Variants in RP1 observed in about 807,000 individuals in gnomAD.
RP1 encodes RP1 axonemal microtubule associated.
Under a neutral mutation model 14.8 loss-of-function variants are expected in RP1, and 16 were observed. The ratio of observed to expected loss-of-function variants is 1.08; its 90% confidence interval spans 0.73 to 1.65. RP1 has a LOEUF of 1.65. Ranked by LOEUF, RP1 falls within the 40% of genes most tolerant of loss-of-function variation. The probability of loss-of-function intolerance (pLI) is 0.00; values close to 1 mark genes in which losing one functional copy is unlikely to be tolerated. For missense variants in RP1, 2,631 were observed against 2,535.0 expected, an observed-to-expected ratio of 1.04 and a Z score of -0.81; for synonymous variants, 876 against 883.6, an observed-to-expected ratio of 0.99 and a Z score of 0.15.
At chr8:54,592,793 C>T (rs1040241628) in intron 1 of RP1, among the ~76,000 whole-genome samples, 7 of 152,042 alleles carry the variant, frequency 4.6e-5, no homozygotes, top group African/African-American at 1.7e-4. Context: ...TGCTTGTTGC[C>T]CCTTAGTGGC....
chr8:54,819,693 C>A (rs1811211168), intron 24 of RP1, among the ~76,000 whole-genome samples: 1 of 152,120 alleles, frequency 6.6e-6, no homozygotes, highest in Non-Finnish European at 1.5e-5. Flanking sequence ...TAGGGGGCAC[C>A]ATAAGCCCAG....
intron 27 of RP1, among the ~76,000 whole-genome samples, chr8:54,860,349 T>G (rs1176186285): frequency 6.6e-6 from 1 of 152,146 alleles, no homozygotes; most frequent in Non-Finnish European, 1.5e-5. Flanking sequence ...ATTTTTTTCT[T>G]TCCATTTTTA....
intron 24 of RP1, among the ~76,000 whole-genome samples, chr8:54,803,580 A>T (rs78912715): frequency 6.6e-6 from 1 of 152,104 alleles, no homozygotes; most frequent in African/African-American, 2.4e-5. Context: ...TCCTTAAAAG[A>T]GTTGCTTATT....
intron 1 of RP1, among the ~76,000 whole-genome samples, chr8:54,573,548 C>G (rs1804576010): frequency 6.6e-6 from 1 of 152,176 alleles, no homozygotes; most frequent in East Asian, 1.9e-4. Context: ...GCTTTTCCCT[C>G]AAATATAAGA....
At chr8:54,796,984 A>C (rs1047219043) in intron 24 of RP1, among the ~76,000 whole-genome samples, 3 of 152,172 alleles carry the variant, frequency 2.0e-5, no homozygotes, top group Non-Finnish European at 4.4e-5. Context: ...TCATGGGGTG[A>C]AGAGAAATGG....
rs747461642 is a variant in RP1 at position 54,621,323 on chromosome 8, A to G, written c.357A>G (p.Lys119=). The change falls in exon 2 of 4, where the codon AAA becomes AAG. Residue 119 remains lysine (K), a synonymous_variant. Coordinates refer to ENST00000220676, the MANE Select transcript of RP1 (RefSeq NM_006269.2). ...GRKVQPVDLD[K]ARRRPRPWLS... is the part of the protein sequence containing the mutation. Reference sequence around the variant, plus strand: ...AGGTGCAGCCTGTAGACCTGGACAAAGCCCGTCGGCGCCCGCGGCCCTGGC... The same window carrying G: ...AGGTGCAGCCTGTAGACCTGGACAAGGCCCGTCGGCGCCCGCGGCCCTGGC... 6.2e-7 allele frequency: 1 copy of G among 1,612,476 alleles called. No individual in the cohort carries two copies. Among genetic ancestry groups the G allele is most frequent in the South Asian group, 1.1e-5 (1 of 91,056 alleles).
chr8:54,576,888 A>G (rs1804675920), intron 1 of RP1, among the ~76,000 whole-genome samples: 2 of 152,204 alleles, frequency 1.3e-5, no homozygotes, highest in African/African-American at 2.4e-5. Context: ...GTTAAATTTG[A>G]TAGACATTTC....
At chr8:54,800,795 T>C (rs1164019237) in intron 24 of RP1, among the ~76,000 whole-genome samples, 1 of 152,232 alleles carries the variant, frequency 6.6e-6, no homozygotes. Context: ...CATTTAATCA[T>C]AGTTATATTA....
chr8:54,676,086 C>G (rs928057658), intron 8 of RP1, among the ~76,000 whole-genome samples: 1 of 152,084 alleles, frequency 6.6e-6, no homozygotes, highest in Non-Finnish European at 1.5e-5. Context: ...TAATCACATC[C>G]TAAACGCTCC....
chr8:54,625,113 C>CA lies in RP1; in HGVS notation c.1234dup (p.Met412AsnfsTer7), dbSNP rs760283610. The CA allele has an allele frequency of 1.2e-5, 20 of 1,614,136 alleles. No individual in the cohort carries two copies. The highest frequency in any genetic ancestry group is 1.7e-5 in the Non-Finnish European group (20 of 1,180,022). On this transcript the variant is annotated frameshift_variant, in exon 4 of 4. Coordinates refer to ENST00000220676, the MANE Select transcript of RP1 (RefSeq NM_006269.2). LOFTEE classifies it low-confidence loss of function (END_TRUNC). ...CAGTTTGGCAGAGGAGATAAACATT[C>CA]AAATGACAGATCAAGTGGCTGAAAC...
At chr8:54,837,743 C>G (rs1031944765) in intron 25 of RP1, 12 of 845,680 alleles carry the variant, frequency 1.4e-5, no homozygotes, top group Non-Finnish European at 1.9e-5. Flanking sequence ...TAGGGGCTGG[C>G]ACCTTTTTCT....
chr8:54,833,338 C>A (rs1811577976), intron 24 of RP1, among the ~76,000 whole-genome samples: 1 of 151,872 alleles, frequency 6.6e-6, no homozygotes, highest in African/African-American at 2.4e-5. Flanking sequence ...AGGGTAAGGT[C>A]TTTTCTCCCT....
chr8:54,833,400 G>A (rs1221126995), intron 24 of RP1, among the ~76,000 whole-genome samples: 2 of 151,838 alleles, frequency 1.3e-5, no homozygotes, highest in African/African-American at 2.4e-5. Flanking sequence ...GTTTTACAGC[G>A]CCCTCAAGCA....
At chr8:54,639,122 G>T (rs1806410847) in intron 3 of RP1, among the ~76,000 whole-genome samples, 1 of 152,128 alleles carries the variant, frequency 6.6e-6, no homozygotes, top group South Asian at 2.1e-4. Flanking sequence ...GGAAACCATG[G>T]ATTCACTTTC....
exon 16 of RP1, chr8:54,720,208 G>C: frequency 6.5e-7 from 1 of 1,535,698 alleles, no homozygotes; most frequent in Non-Finnish European, 8.7e-7. Flanking sequence ...TCTACGAAGA[G>C]CCCAGGATTG....
At chr8:54,805,886 A>G (rs758248882) in intron 24 of RP1, among the ~76,000 whole-genome samples, 2 of 152,140 alleles carry the variant, frequency 1.3e-5, no homozygotes, top group Non-Finnish European at 2.9e-5. Context: ...CCTTCAGGAT[A>G]TGTTAGGTGC....
chr8:54,696,145 G>A lies in RP1; in HGVS notation c.1718-3322G>A, dbSNP rs76335825. Reference sequence around the variant, plus strand: ...TAACTGGAATAGAATTATAAAGGTAGAATTAATTTATTGCATTTACCAATG... The same window carrying A: ...TAACTGGAATAGAATTATAAAGGTAAAATTAATTTATTGCATTTACCAATG... On this transcript the variant is annotated intron_variant, in intron 12 of 22. Coordinates refer to the RP1 transcript ENST00000636932. Among the ~76,000 whole-genome samples, 81 of 152,220 alleles carry A rather than the reference G, an allele frequency of 5.3e-4. No homozygotes were observed. In the East Asian group the frequency reaches 0.015, roughly 28 times the overall value.
chr8:54,728,044 A>G (rs1585640828), intron 17 of RP1, among the ~76,000 whole-genome samples: 1 of 152,074 alleles, frequency 6.6e-6, no homozygotes, highest in South Asian at 2.1e-4. Context: ...CTGGATATGA[A>G]ATCTGGGAAG....
chr8:54,809,098 AT>A (rs534050122), intron 24 of RP1, among the ~76,000 whole-genome samples: 12 of 152,110 alleles, frequency 7.9e-5, no homozygotes, highest in Non-Finnish European at 1.5e-4. Context: ...CAATTTAGCT[AT>A]TTTTTCCTGT....
Sources: gnomAD v4.1 joint callset for allele counts (sites outside exome capture counted in the v4.1 genomes callset) on GRCh38, gnomAD v4.1.1 for gene constraint, MANE v1.5 for transcripts, NCBI Gene and HGNC (gene_info 2026-07-23, HGNC 2026-07-21) for gene names.